The following LONP2 variants were observed in gnomAD, a reference collection of about 807,000 sequenced individuals.
The protein encoded by LONP2 is lon protease homolog 2, peroxisomal.
Under a neutral mutation model 85.6 loss-of-function variants are expected in LONP2, and 60 were observed. The observed-to-expected ratio is 0.70, with a 90% CI of 0.57 to 0.87. The LOEUF is 0.87. LONP2 is among the 40% of genes least tolerant of loss of function. The pLI, the probability that LONP2 is intolerant of heterozygous loss-of-function variation, is 0.00. For missense variants in LONP2, 860 were observed against 1,063.5 expected (o/e 0.81, Z 2.66); for synonymous variants, 395 against 389.7 (o/e 1.01, Z -0.16).
At chr16:48,301,049 T>C (rs1596963611) in intron 10 of LONP2, among the ~76,000 whole-genome samples, 1 of 152,356 alleles carries the variant, frequency 6.6e-6, no homozygotes, top group East Asian at 1.9e-4. Flanking sequence ...TAAGGAAATA[T>C]CTGGAGCAGT....
chr16:48,251,521 T>G (rs1242531525), intron 1 of LONP2, among the ~76,000 whole-genome samples: 1 of 152,182 alleles, frequency 6.6e-6, no homozygotes, highest in Admixed American at 6.5e-5. Context: ...GGGTCTTTCT[T>G]TAGCTCTCCT....
Position 48,244,550 on chromosome 16 carries a change from C to T in LONP2, c.162C>T (p.Ser54=). ...TTCTGAAGGGCACGTCGCTGCAAAG[C>T]ACCATCCTGGGCGTCATCCCCAACA... ...SRLLKGTSLQ[S]TILGVIPNTP... Residue 54 remains serine (S), a synonymous_variant, in exon 1 of 15, where the codon AGC becomes AGT. Coordinates refer to ENST00000285737, the MANE Select transcript of LONP2 (RefSeq NM_031490.5). The T allele has an allele frequency of 6.4e-7, 1 of 1,550,556 alleles. No individual in the cohort carries two copies. Among genetic ancestry groups the T allele is most frequent in the Non-Finnish European group, 8.7e-7 (1 of 1,151,614 alleles).
intron 6 of LONP2, among the ~76,000 whole-genome samples, chr16:48,263,360 A>G (rs1971918331): frequency 6.6e-6 from 1 of 152,082 alleles, no homozygotes; most frequent in South Asian, 2.1e-4. Flanking sequence ...TTCTCCTCTC[A>G]TCCTGTGGCA....
intron 7 of LONP2, among the ~76,000 whole-genome samples, chr16:48,276,677 G>A (rs891554882): frequency 6.6e-6 from 1 of 152,150 alleles, no homozygotes; most frequent in Non-Finnish European, 1.5e-5. Flanking sequence ...CTGGCTGAAC[G>A]TGGTTATTGC....
At position 48,356,455 on chromosome 16, in the gene LONP2, G is replaced by C. The variant is rs1292806265; in HGVS notation, c.*4653G>C. The C allele has an allele frequency of 6.8e-6, 1 of 148,030 alleles. No homozygotes were observed. The highest frequency in any genetic ancestry group is 2.5e-5 in the African/African-American group (1 of 39,346). 9.2% of individuals were successfully genotyped at this position (148,030 alleles called of 1,614,324 possible). A position where few individuals can be genotyped will look rare whatever the true frequency, so the allele number is the denominator to read the frequency against. ...TGTTTCAATGAAGTAACATGTTTAAGCTCACATTATTTGAAGTACTTCAGT... is the reference window on the plus strand; with the variant it reads ...TGTTTCAATGAAGTAACATGTTTAACCTCACATTATTTGAAGTACTTCAGT... On this transcript the variant is annotated 3_prime_UTR_variant, in exon 15 of 15. Coordinates refer to ENST00000285737, the MANE Select transcript of LONP2 (RefSeq NM_031490.5).
At chr16:48,283,209 A>G (rs1164404695) in intron 8 of LONP2, among the ~76,000 whole-genome samples, 3 of 152,248 alleles carry the variant, frequency 2.0e-5, no homozygotes, top group African/African-American at 7.2e-5. Context: ...CATAAAGTGC[A>G]AAGGGAAGCA....
intron 8 of LONP2, among the ~76,000 whole-genome samples, chr16:48,291,584 A>G (rs1000046088): frequency 4.6e-5 from 7 of 152,226 alleles, no homozygotes; most frequent in Non-Finnish European, 8.8e-5. Flanking sequence ...GGTAGGAATT[A>G]TAGTCCTAGG....
rs962570256 is a variant in LONP2 at position 48,279,041 on chromosome 16, A to G, written c.1383+1562A>G. Reference sequence around the variant, plus strand: ...TTTTATAGTATCCTGTTCTTGTTACATAGTTGTAATATATCTTATCTCCAT... The same window carrying G: ...TTTTATAGTATCCTGTTCTTGTTACGTAGTTGTAATATATCTTATCTCCAT... On this transcript the variant is annotated intron_variant, in intron 8 of 14. Coordinates refer to ENST00000285737, the MANE Select transcript of LONP2 (RefSeq NM_031490.5). Among the ~76,000 whole-genome samples, 11 of 152,068 alleles carry G rather than the reference A, an allele frequency of 7.2e-5. No homozygotes were observed. In the East Asian group the frequency reaches 1.9e-3, roughly 27 times the overall value.
Position 48,353,154 on chromosome 16 carries a change from CTT to C in LONP2, c.*1355_*1356del, listed in dbSNP as rs1242554905. 6.6e-6 allele frequency: 1 copy of C among 152,148 alleles called. No homozygotes were observed. Among genetic ancestry groups the C allele is most frequent in the East Asian group, 1.9e-4 (1 of 5,196 alleles). 9.4% of individuals were successfully genotyped at this position (152,148 alleles called of 1,614,324 possible). A position where few individuals can be genotyped will look rare whatever the true frequency, so the allele number is the denominator to read the frequency against. ...TCTAGCCAGTAATGGACTTCAGAATCTTTTATTACACAATATAAGAATATGTA... is the reference window on the plus strand; with the variant it reads ...TCTAGCCAGTAATGGACTTCAGAATCTTATTACACAATATAAGAATATGTA... On this transcript the variant is annotated 3_prime_UTR_variant, in exon 15 of 15. Coordinates refer to ENST00000285737, the MANE Select transcript of LONP2 (RefSeq NM_031490.5).
downstream of LONP2, chr16:48,360,896 T>C (rs1960557824): frequency 1.3e-5 from 2 of 152,226 alleles, no homozygotes; most frequent in Non-Finnish European, 2.9e-5. Context: ...CTGGAACTCA[T>C]GGCTTCACAA....
At chr16:48,289,143 A>G (rs772323692) in intron 8 of LONP2, among the ~76,000 whole-genome samples, 2 of 152,134 alleles carry the variant, frequency 1.3e-5, no homozygotes, top group Non-Finnish European at 2.9e-5. Flanking sequence ...CCCATTTGTA[A>G]TATTAGGCTC....
chr16:48,353,999 G>GTTTTGT lies in LONP2; in HGVS notation c.*2201_*2202insGTTTTT, dbSNP rs1960240981. The GTTTTGT allele has an allele frequency of 8.0e-6, 1 of 124,572 alleles. No homozygotes were observed. The highest frequency in any genetic ancestry group is 3.2e-5 in the African/African-American group (1 of 31,692). 7.7% of individuals were successfully genotyped at this position (124,572 alleles called of 1,614,324 possible). On this transcript the variant is annotated 3_prime_UTR_variant, in exon 15 of 15. Transcript: ENST00000285737. ...ACTAGCTTTGTTTTTGGTTTGTTTT[G>GTTTTGT]TTTTTTTTTTAATTCCAGGGGTGGG...
At chr16:48,297,652 A>T (rs1434031459) in intron 9 of LONP2, among the ~76,000 whole-genome samples, 1 of 151,896 alleles carries the variant, frequency 6.6e-6, no homozygotes, top group Non-Finnish European at 1.5e-5. Context: ...TGTATTTTTC[A>T]TATTAATCTG....
chr16:48,353,635 C>T lies in LONP2; in HGVS notation c.*1833C>T, dbSNP rs1960228246. 6.6e-6 allele frequency: 1 copy of T among 152,038 alleles called. No individual in the cohort carries two copies. Among genetic ancestry groups the T allele is most frequent in the South Asian group, 2.1e-4 (1 of 4,830 alleles). The allele number at this position is 152,038 out of a possible 1,614,324, so 9.4% of individuals were successfully genotyped here. ...TATGGCAGTTGGAGAGAAAGAACAT[C>T]GGGATGTTTGAAAATATGCCATTGA... On this transcript the variant is annotated 3_prime_UTR_variant, in exon 15 of 15. Coordinates refer to ENST00000285737, the MANE Select transcript of LONP2 (RefSeq NM_031490.5).
intron 12 of LONP2, chr16:48,334,808 T>G (rs747456462): frequency 4.5e-5 from 25 of 552,012 alleles, no homozygotes; most frequent in Non-Finnish European, 9.0e-5. Context: ...GGGCTCGACC[T>G]CAAGGGTGAT....
chr16:48,288,047 G>A (rs1358294219), intron 8 of LONP2, among the ~76,000 whole-genome samples: 1 of 151,700 alleles, frequency 6.6e-6, no homozygotes, highest in African/African-American at 2.4e-5. Flanking sequence ...AGATTTGTGT[G>A]TGAGTTGTAT....
chr16:48,292,671 A>G (rs1972579944), intron 8 of LONP2, among the ~76,000 whole-genome samples: 1 of 152,232 alleles, frequency 6.6e-6, no homozygotes, highest in Admixed American at 6.5e-5. Flanking sequence ...GATTTTCAGC[A>G]AGTCACAGGA....
intron 12 of LONP2, chr16:48,344,361 G>T (rs1025052736): frequency 6.6e-6 from 1 of 152,160 alleles, no homozygotes; most frequent in Non-Finnish European, 1.5e-5. Flanking sequence ...AATAACTTCA[G>T]TTCTCCCCAC....
chr16:48,298,996 T>TTC (rs762906506), intron 9 of LONP2, among the ~76,000 whole-genome samples: 5 of 151,632 alleles, frequency 3.3e-5, no homozygotes, highest in East Asian at 2.0e-4. Flanking sequence ...GCTGAAGCAA[T>TTC]TCTCGTGCCT....
Sources: gnomAD v4.1 joint callset for allele counts (sites outside exome capture counted in the v4.1 genomes callset) on GRCh38, gnomAD v4.1.1 for gene constraint, MANE v1.5 for transcripts, NCBI Gene and HGNC (gene_info 2026-07-23, HGNC 2026-07-21) for gene names.